ANO7: variants seen among roughly 807,000 people sequenced by gnomAD.
ANO7 encodes the protein anoctamin 7, also known as anoctamin-7.
ANO7 carries 114 observed loss-of-function variants against 115.8 expected under a neutral mutation model. That is an observed-to-expected ratio of 0.98 (90% CI 0.85 to 1.15). The LOEUF is 1.15. ANO7 is among the 50% of genes most tolerant of loss of function. The pLI is 0.00. For synonymous variants in ANO7, 550 were observed against 498.2 expected, an observed-to-expected ratio of 1.10 and a Z score of -1.38; for missense variants, 1,302 against 1,201.2, an observed-to-expected ratio of 1.08 and a Z score of -1.24.
Position 241,209,642 on chromosome 2 carries a change from G to C in ANO7, c.1359+7G>C, listed in dbSNP as rs187802846. The C allele has an allele frequency of 2.0e-6, 3 of 1,537,994 alleles. No individual in the cohort carries two copies. The highest frequency in any genetic ancestry group is 2.6e-6 in the Non-Finnish European group (3 of 1,145,078). The stretch of plus-strand genomic sequence containing the variant: ...TGTGGTGATCGTGGTGATGGTATGC[G>C]GTCCCCCTGCCCTCCGCTCACGCCT... On this transcript the variant is annotated splice_region_variant and intron_variant, in intron 13 of 24. Transcript: ENST00000674324.
the ANO7 span, chr2:241,235,493 A>G: frequency 6.2e-7 from 1 of 1,612,926 alleles, no homozygotes; most frequent in Admixed American, 1.7e-5. Flanking sequence ...GGTCTACCTC[A>G]AACTCATCCA....
chr2:241,237,702 T>G, the ANO7 span, among the ~76,000 whole-genome samples: 1 of 149,174 alleles, frequency 6.7e-6, no homozygotes, highest in African/African-American at 2.5e-5. Flanking sequence ...AAGGGACATG[T>G]CTAAAAATGA....
chr2:241,210,261 G>A (rs377182267), intron 13 of ANO7, 34 bp from the exon 14 acceptor site: 1,064 of 1,607,664 alleles, frequency 6.6e-4, no homozygotes, highest in Non-Finnish European at 8.0e-4. Context: ...CCAAGACACC[G>A]TGAAGGGTCT....
Position 241,204,956 on chromosome 2 carries a change from G to A in ANO7, c.980+1G>A, listed in dbSNP as rs372312433. 2.6e-5 allele frequency: 42 copies of A among 1,613,816 alleles called. No individual in the cohort carries two copies. The highest frequency in any genetic ancestry group is 1.7e-4 in the Middle Eastern group (1 of 6,054). The stretch of plus-strand genomic sequence containing the variant: ...TCCTGGTGTTCTCAGACATACCCAC[G>A]TGAGTGTTCCCTCTCCGCAGCTCTG... On this transcript the variant is annotated splice_donor_variant, in intron 10 of 24. Transcript: ENST00000674324. LOFTEE classifies it high-confidence loss of function.
At chr2:241,218,734 G>A (rs60812878) in intron 21 of ANO7, among the ~76,000 whole-genome samples, 4,092 of 152,318 alleles carry the variant, frequency 0.027, 195 homozygotes, top group African/African-American at 0.094. Flanking sequence ...TCTTCAGAGC[G>A]GAGCTCGCCG....
chr2:241,222,557 G>A (rs2069049878), intron 21 of ANO7, among the ~76,000 whole-genome samples: 1 of 151,860 alleles, frequency 6.6e-6, no homozygotes, highest in African/African-American at 2.4e-5. Context: ...TTTTTCCAAT[G>A]GCTATATTTT....
rs111978925 is a variant in ANO7 at position 241,204,892 on chromosome 2, C to T, written c.917C>T (p.Ala306Val). 4.4e-4 allele frequency: 713 copies of T among 1,613,818 alleles called. 3 individuals carry two copies. The African/African-American group carries it at 7.4e-3, about 17-fold the overall frequency. The change falls in exon 10 of 25, where the codon GCG (alanine) becomes GTG (valine). Residue 306 changes from alanine to valine, a missense_variant. Ala to Val is a moderately conservative substitution (Grantham distance 64, BLOSUM62 0). Coordinates refer to ENST00000674324, the MANE Select transcript of ANO7 (RefSeq NM_001370694.2). ...TTTTACACAGGCTGGCTCCTGCCAG[C>T]GGCAGTGGTGGGCACACTGGTGTTC... ...LGFYTGWLLP[A>V]AVVGTLVFLV...
chr2:241,217,866 T>G lies in ANO7; in HGVS notation c.2153T>G (p.Leu718Arg), dbSNP rs527525797. The change falls in exon 20 of 25, where the codon CTC becomes CGC. Residue 718 changes from leucine to arginine, a missense_variant. Physicochemically the swap from Leu to Arg is moderately radical, Grantham distance 102. Coordinates refer to ENST00000674324, the MANE Select transcript of ANO7 (RefSeq NM_001370694.2). ...IGIWFHILAGLTHLAVISNAF... is the reference protein window; with the variant it reads ...IGIWFHILAGRTHLAVISNAF... ...ATCTGGTTCCACATCCTGGCGGGCC[T>G]CACGCACCTGGCGGTCATCAGCAAC... The G allele has an allele frequency of 1.3e-6, 2 of 1,591,684 alleles. No individual in the cohort carries two copies. The highest frequency in any genetic ancestry group is 1.7e-5 in the Admixed American group (1 of 58,280).
intron 5 of ANO7, among the ~76,000 whole-genome samples, chr2:241,199,819 C>T (rs1268960991): frequency 6.6e-6 from 1 of 152,222 alleles, no homozygotes; most frequent in African/African-American, 2.4e-5. Context: ...TCACTGCGTG[C>T]GGGTGGGAGA....
chr2:241,238,868 A>T, the ANO7 span: 1 of 1,180,664 alleles, frequency 8.5e-7, no homozygotes, highest in Non-Finnish European at 1.2e-6. This position sits in a 1 kb window ranked among gnomAD's most constrained non-coding sequence, Gnocchi z 4.9. Flanking sequence ...TCTTCACACC[A>T]CCTTCCTCCC....
chr2:241,223,088 GA>G, intron 21 of ANO7, 97 bp from the exon 22 acceptor site: 1 of 1,095,850 alleles, frequency 9.1e-7, no homozygotes, highest in Non-Finnish European at 1.4e-6. Context: ...ATGAGAGAGC[GA>G]AATGGTGGAA....
At chr2:241,218,204 G>GGGGGCGCGCAGGGGCGGAGCT (rs1369233001) in intron 20 of ANO7, 35 bp from the exon 21 acceptor site, 3 of 1,331,836 alleles carry the variant, frequency 2.3e-6, no homozygotes, top group East Asian at 3.5e-5. Context: ...GGGGCGGAGC[G>GGGGGCGCGCAGGGGCGGAGCT]GGGGCCGCCT....
At chr2:241,222,808 A>G (rs2069056986) in intron 21 of ANO7, among the ~76,000 whole-genome samples, 1 of 152,156 alleles carries the variant, frequency 6.6e-6, no homozygotes, top group South Asian at 2.1e-4. Context: ...TGAACTGCTG[A>G]TCTCACAGAG....
intron 5 of ANO7, among the ~76,000 whole-genome samples, 168 bp downstream of exon 5, chr2:241,199,591 G>A (rs1490512752): frequency 6.6e-6 from 1 of 152,322 alleles, no homozygotes; most frequent in East Asian, 1.9e-4. Context: ...GGGCAAACAG[G>A]GCAGGTGGTG....
chr2:241,208,935 G>T (rs1335488500), intron 11 of ANO7, among the ~76,000 whole-genome samples: 1 of 152,062 alleles, frequency 6.6e-6, no homozygotes, highest in East Asian at 1.9e-4. Flanking sequence ...GGATCACAAG[G>T]TCAGAAGATC....
rs761631024 is a variant in ANO7, at chr2:241,212,082, T to C, written c.1562-12T>C. 5.2e-5 allele frequency: 84 copies of C among 1,612,716 alleles called. No individual in the cohort carries two copies. The highest frequency in any genetic ancestry group is 1.7e-4 in the Admixed American group (10 of 59,990). On this transcript the variant is annotated splice_polypyrimidine_tract_variant and intron_variant, in intron 15 of 24. Coordinates refer to ENST00000674324, the MANE Select transcript of ANO7 (RefSeq NM_001370694.2). Reference sequence around the variant, plus strand: ...TCCCCCAGGGACTGAGCCCAGGCTCTCCATGCCACAGAAATGCACCGCACC... The same window carrying C: ...TCCCCCAGGGACTGAGCCCAGGCTCCCCATGCCACAGAAATGCACCGCACC...
chr2:241,191,122 G>T, intron 2 of ANO7, 72 bp from the exon 3 acceptor site: 3 of 1,556,436 alleles, frequency 1.9e-6, no homozygotes, highest in Non-Finnish European at 2.6e-6. Flanking sequence ...CTTCAGGGTG[G>T]GGCGGGGTGG....
At chr2:241,220,735 G>C (rs1375490651) in intron 21 of ANO7, among the ~76,000 whole-genome samples, 1 of 152,208 alleles carries the variant, frequency 6.6e-6, no homozygotes, top group South Asian at 2.1e-4. Context: ...AGGAGGCAGA[G>C]CTTTCAGTGA....
chr2:241,204,616 G>A (rs770446554), intron 9 of ANO7, among the ~76,000 whole-genome samples: 3 of 152,024 alleles, frequency 2.0e-5, no homozygotes, highest in Admixed American at 6.6e-5. Flanking sequence ...GTGGGCTGGA[G>A]CCCCAGCAGC....
Sources: gnomAD v4.1 joint callset for allele counts (sites outside exome capture counted in the v4.1 genomes callset) on GRCh38, gnomAD v4.1.1 for gene constraint, Gnocchi (gnomAD v3.1) non-coding constraint, MANE v1.5 for transcripts, NCBI Gene and HGNC (gene_info 2026-07-23, HGNC 2026-07-21) for gene names.